The following EFNA5 variants were observed in gnomAD, a reference collection of about 807,000 sequenced individuals.
EFNA5 encodes the protein ephrin-A5.
Under a neutral mutation model 22.9 loss-of-function variants are expected in EFNA5, and 5 were observed. The ratio of observed to expected loss-of-function variants is 0.22; its 90% CI spans 0.11 to 0.46. The LOEUF (loss-of-function observed/expected upper bound fraction) is 0.46. Ranked by LOEUF, EFNA5 falls within the 20% of genes least tolerant of loss-of-function variation. The pLI is 0.99. For synonymous variants in EFNA5, 113 were observed against 112.2 expected, an observed-to-expected ratio of 1.01 and a Z score of -0.04; for missense variants, 237 against 293.3, an observed-to-expected ratio of 0.81 and a Z score of 1.40.
chr5:107,555,179 C>CCACACACCAGTT (rs879921110), intron 1 of EFNA5, among the ~76,000 whole-genome samples: 3 of 152,146 alleles, frequency 2.0e-5, no homozygotes, highest in East Asian at 3.9e-4. Context: ...GCTTATTAGC[C>CCACACACCAGTT]CACACACCAG....
chr5:107,392,543 G>A (rs192095412), intron 2 of EFNA5, among the ~76,000 whole-genome samples: 1 of 152,326 alleles, frequency 6.6e-6, no homozygotes, highest in Admixed American at 6.5e-5. Context: ...ACTGAGCCTT[G>A]AGATGACCGT....
At chr5:107,458,292 TTGGACTG>T (rs1749746181) in intron 1 of EFNA5, among the ~76,000 whole-genome samples, 1 of 152,172 alleles carries the variant, frequency 6.6e-6, no homozygotes, top group Admixed American at 6.6e-5. Context: ...ATGTATCACC[TTGGACTG>T]TGGGGTACAA....
At chr5:107,644,619 A>T (rs1233895226) in intron 1 of EFNA5, among the ~76,000 whole-genome samples, 3 of 152,218 alleles carry the variant, frequency 2.0e-5, no homozygotes, top group African/African-American at 7.2e-5. Flanking sequence ...GGTAACTGAC[A>T]CATAATAGAT....
intron 1 of EFNA5, among the ~76,000 whole-genome samples, chr5:107,594,668 C>T (rs3864265): frequency 0.039 from 5,915 of 152,258 alleles, 372 homozygotes; most frequent in African/African-American, 0.14. Context: ...TTTTTAGCTA[C>T]AAAGTCAGGG....
chr5:107,551,244 A>G (rs1472847151), intron 1 of EFNA5, among the ~76,000 whole-genome samples: 1 of 152,154 alleles, frequency 6.6e-6, no homozygotes, highest in African/African-American at 2.4e-5. Flanking sequence ...ACCCAGGCCA[A>G]CTGGCATTAG....
intron 1 of EFNA5, among the ~76,000 whole-genome samples, chr5:107,649,364 G>C (rs1442712574): frequency 6.6e-6 from 1 of 152,000 alleles, no homozygotes; most frequent in Non-Finnish European, 1.5e-5. Context: ...AGTTAGGCTG[G>C]CAAAACATCT....
intron 1 of EFNA5, among the ~76,000 whole-genome samples, chr5:107,472,780 G>A (rs1750173902): frequency 6.6e-6 from 1 of 152,226 alleles, no homozygotes; most frequent in Non-Finnish European, 1.5e-5. Context: ...TACAACTCAT[G>A]TGGGAGGTAA....
At chr5:107,564,928 A>G (rs1748631415) in intron 1 of EFNA5, among the ~76,000 whole-genome samples, 1 of 152,152 alleles carries the variant, frequency 6.6e-6, no homozygotes, top group Non-Finnish European at 1.5e-5. Flanking sequence ...ACATACCCTC[A>G]GCGTGTGTGC....
intron 1 of EFNA5, among the ~76,000 whole-genome samples, chr5:107,485,571 C>G (rs927010204): frequency 6.6e-6 from 1 of 152,082 alleles, no homozygotes; most frequent in Admixed American, 6.5e-5. Flanking sequence ...CTGTGCTGGA[C>G]CAGAAATAAT....
intron 1 of EFNA5, among the ~76,000 whole-genome samples, chr5:107,470,149 C>A (rs970257499): frequency 1.3e-5 from 2 of 152,170 alleles, no homozygotes; most frequent in African/African-American, 4.8e-5. Flanking sequence ...TGGAGAGCCG[C>A]TCCTTTGCTG....
At chr5:107,585,480 A>G (rs956436264) in intron 1 of EFNA5, among the ~76,000 whole-genome samples, 2 of 152,244 alleles carry the variant, frequency 1.3e-5, no homozygotes, top group Non-Finnish European at 2.9e-5. Context: ...GCTCAGTGAC[A>G]GTACTGATAA....
chr5:107,576,961 AT>A (rs1383085501), intron 1 of EFNA5, among the ~76,000 whole-genome samples: 1 of 152,166 alleles, frequency 6.6e-6, no homozygotes, highest in African/African-American at 2.4e-5. Context: ...GTCCCAAAAC[AT>A]GGAAATCTGT....
intron 1 of EFNA5, among the ~76,000 whole-genome samples, chr5:107,664,710 C>T (rs954636877): frequency 3.9e-5 from 6 of 152,084 alleles, no homozygotes; most frequent in East Asian, 1.9e-4. Flanking sequence ...GTTCAGAAAG[C>T]GGATCTGACT....
At chr5:107,482,280 T>A (rs1750489754) in intron 1 of EFNA5, among the ~76,000 whole-genome samples, 1 of 148,742 alleles carries the variant, frequency 6.7e-6, no homozygotes, top group African/African-American at 2.5e-5. Context: ...TACTCCAGCC[T>A]GGGTGACAAA....
At chr5:107,577,953 T>A (rs1191531180) in intron 1 of EFNA5, among the ~76,000 whole-genome samples, 1 of 152,120 alleles carries the variant, frequency 6.6e-6, no homozygotes, top group Non-Finnish European at 1.5e-5. Context: ...CAGTTGGCAT[T>A]TTTTTCCTTA....
At chr5:107,384,494 A>C (rs1044478865) in intron 4 of EFNA5, among the ~76,000 whole-genome samples, 1 of 152,188 alleles carries the variant, frequency 6.6e-6, no homozygotes, top group Non-Finnish European at 1.5e-5. Context: ...CATGCAGTGG[A>C]ATCCTTTCAG....
rs576619897 is a variant in EFNA5, at chr5:107,462,910, C to T, written c.126-35401G>A. Among the ~76,000 whole-genome samples, 14 of 152,238 alleles carry T rather than the reference C, an allele frequency of 9.2e-5. No individual in the cohort carries two copies. The South Asian group carries it at 2.9e-3, about 32-fold the overall frequency. On this transcript the variant is annotated intron_variant, in intron 1 of 4. Coordinates refer to ENST00000333274, the MANE Select transcript of EFNA5 (RefSeq NM_001962.3). ...TTCATGGGAATAAGGAGAAATACCACACAGTGATTTGTGCTGGAAAGAAAA... is the reference window on the plus strand; with the variant it reads ...TTCATGGGAATAAGGAGAAATACCATACAGTGATTTGTGCTGGAAAGAAAA...
rs576597662 is a variant in EFNA5, at chr5:107,562,212, T to A, written c.125+108277A>T. On this transcript the variant is annotated intron_variant, in intron 1 of 4. Coordinates refer to ENST00000333274, the MANE Select transcript of EFNA5 (RefSeq NM_001962.3). The stretch of plus-strand genomic sequence containing the variant: ...AATTCATTACTGACAGGGCAAAAAA[T>A]TTTGCCACAATGTTTACAAGCTCTA... 9.5e-4 allele frequency among the ~76,000 whole-genome samples: 144 copies of A among 152,256 alleles called. 1 individual carries two copies. The highest frequency in any genetic ancestry group is 3.4e-3 in the Middle Eastern group (1 of 292).
At chr5:107,459,960 C>G (rs983207030) in intron 1 of EFNA5, among the ~76,000 whole-genome samples, 5 of 152,144 alleles carry the variant, frequency 3.3e-5, no homozygotes, top group African/African-American at 1.2e-4. Flanking sequence ...TTCCACTCTG[C>G]ACGCCTCAAA....
Sources: gnomAD v4.1 joint callset for allele counts (sites outside exome capture counted in the v4.1 genomes callset) on GRCh38, gnomAD v4.1.1 for gene constraint, MANE v1.5 for transcripts, NCBI Gene and HGNC (gene_info 2026-07-23, HGNC 2026-07-21) for gene names.